The following EXOC3L2 variants were observed in gnomAD, a reference collection of about 807,000 sequenced individuals.
The protein encoded by EXOC3L2 is exocyst complex component 3 like 2, also known as exocyst complex component 3-like protein 2.
A neutral mutation model predicts 44.4 loss-of-function variants in EXOC3L2; 17 were observed. That is an observed-to-expected ratio of 0.38 (90% CI 0.26 to 0.57). EXOC3L2 has a LOEUF of 0.57. EXOC3L2 is among the 20% of genes least tolerant of loss of function. The probability of loss-of-function intolerance (pLI) is 0.65; values close to 1 mark genes in which losing one functional copy is unlikely to be tolerated. For synonymous variants in EXOC3L2, 256 were observed against 253.7 expected (o/e 1.01, Z -0.09); for missense variants, 541 against 588.4 (o/e 0.92, Z 0.83).
At chr19:45,228,800 G>T (rs935606992) in intron 4 of EXOC3L2, among the ~76,000 whole-genome samples, 1 of 148,048 alleles carries the variant, frequency 6.8e-6, no homozygotes, top group Non-Finnish European at 1.5e-5. Flanking sequence ...GGCTGGGCGC[G>T]GTGGCTCACG....
chr19:45,225,010 G>C, intron 7 of EXOC3L2, 97 bp from the exon 8 acceptor site: 3 of 1,347,154 alleles, frequency 2.2e-6, no homozygotes, highest in Non-Finnish European at 2.9e-6. Flanking sequence ...GGGCACAGGG[G>C]TGACAGGTCA....
intron 11 of EXOC3L2, 52 bp from the exon 12 acceptor site, chr19:45,213,409 C>A (rs769409244): frequency 6.3e-7 from 1 of 1,594,334 alleles, no homozygotes; most frequent in Admixed American, 1.8e-5. Flanking sequence ...TCTAGACACA[C>A]ACCCAACCCA....
At chr19:45,226,131 T>G (rs1676980769) in intron 7 of EXOC3L2, among the ~76,000 whole-genome samples, 1 of 152,152 alleles carries the variant, frequency 6.6e-6, no homozygotes, top group Non-Finnish European at 1.5e-5. Flanking sequence ...TGGTTCCATT[T>G]TTTCCAGGGA....
chr19:45,239,670 G>A (rs1312194301), intron 1 of EXOC3L2, among the ~76,000 whole-genome samples: 2 of 151,564 alleles, frequency 1.3e-5, no homozygotes, highest in Non-Finnish European at 1.5e-5. Flanking sequence ...ACAGGCGCGC[G>A]CCACCACACA....
chr19:45,233,691 G>A (rs1204588070), intron 3 of EXOC3L2, among the ~76,000 whole-genome samples: 3 of 152,108 alleles, frequency 2.0e-5, no homozygotes, highest in African/African-American at 7.2e-5. Flanking sequence ...TGAAAGGGTG[G>A]GAATGCTAGG....
At position 45,234,260 on chromosome 19, in the gene EXOC3L2, C is replaced by A. The variant is rs1445337160; in HGVS notation, c.1090G>T (p.Ala364Ser). Residue 364 changes from alanine to serine, a missense_variant, in exon 3 of 12, where the codon GCC becomes TCC. Physicochemically the swap from Ala to Ser is moderately conservative, Grantham distance 99. Coordinates refer to ENST00000413988, the MANE Select transcript of EXOC3L2 (RefSeq NM_001382422.1). The surrounding 1 kb of genome is among the most constrained non-coding windows in gnomAD (Gnocchi z 5.0). ...TCGGCCAGCGGCAGCCTGCGACGGGCGGAGGCCCCCAGCCACTCGGCCAGG... is the reference window on the plus strand; with the variant it reads ...TCGGCCAGCGGCAGCCTGCGACGGGAGGAGGCCCCCAGCCACTCGGCCAGG... ...GALAEWLGAS[A>S]RRRLPLADRY... The A allele has an allele frequency of 1.5e-5, 6 of 395,706 alleles. No individual in the cohort carries two copies. The highest frequency in any genetic ancestry group is 2.7e-5 in the Non-Finnish European group (6 of 224,186). The allele number at this position is 395,706 out of a possible 1,614,324, so 24.5% of individuals were successfully genotyped here.
intron 2 of EXOC3L2, among the ~76,000 whole-genome samples, chr19:45,237,151 C>T (rs1009752321): frequency 3.3e-5 from 5 of 151,706 alleles, no homozygotes; most frequent in Admixed American, 6.6e-5. Context: ...GGATATGAAA[C>T]GGGGCTGGAC....
In EXOC3L2 at chr19:45,225,724, G is replaced by C. The variant is rs1348376710; in HGVS notation, c.1584-811C>G. ...TGCAACCTCAACCTCCCAGGTTCAA[G>C]TGAGTCTCCTGCCTCAGTCTCCCAA... is the stretch of plus-strand genomic sequence containing the variant. On this transcript the variant is annotated intron_variant, in intron 7 of 11. Coordinates refer to ENST00000413988, the MANE Select transcript of EXOC3L2 (RefSeq NM_001382422.1). Among the ~76,000 whole-genome samples the C allele has an allele frequency of 1.6e-4, 24 of 150,082 alleles. No individual in the cohort carries two copies. In the Admixed American group the frequency reaches 1.6e-3, roughly 10 times the overall value.
At position 45,227,835 on chromosome 19, in the gene EXOC3L2, C is replaced by G. The variant is rs183418915; in HGVS notation, c.1473-63G>C. 1.7e-3 allele frequency: 2,671 copies of G among 1,545,806 alleles called. 10 individuals are homozygous for G. The highest frequency in any genetic ancestry group is 9.8e-3 in the African/African-American group (725 of 74,090). On this transcript the variant is annotated intron_variant, in intron 6 of 11. Transcript: ENST00000413988. ...GTCAGGGTCCCTCGTGGGCACCCAG[C>G]CTGCCAAAGCCACCATCCCTGCGGT...
chr19:45,235,012 G>T (rs918798565), intron 2 of EXOC3L2, among the ~76,000 whole-genome samples, 186 bp from the exon 3 acceptor site: 87 of 152,218 alleles, frequency 5.7e-4, no homozygotes, highest in African/African-American at 2.0e-3. Context: ...GAAGGATGTA[G>T]GGGAGGGGTC....
chr19:45,243,518 C>T (rs982850869), intron 1 of EXOC3L2, among the ~76,000 whole-genome samples: 11 of 152,224 alleles, frequency 7.2e-5, no homozygotes, highest in African/African-American at 2.7e-4. Context: ...CCATGGGCCC[C>T]CGCCCCCACA....
At chr19:45,216,896 C>G (rs965312252) in intron 10 of EXOC3L2, 2 of 151,102 alleles carry the variant, frequency 1.3e-5, no homozygotes, top group Non-Finnish European at 3.0e-5. Context: ...CTGAATGAGG[C>G]CCTTCCAGCC....
chr19:45,232,296 C>T (rs890378649), intron 3 of EXOC3L2, among the ~76,000 whole-genome samples: 1 of 152,106 alleles, frequency 6.6e-6, no homozygotes, highest in African/African-American at 2.4e-5. Context: ...CATCAATATC[C>T]ACCCCCAAAC....
At chr19:45,231,435 G>A (rs1970030168) in intron 4 of EXOC3L2, among the ~76,000 whole-genome samples, 1 of 121,136 alleles carries the variant, frequency 8.3e-6, no homozygotes, top group South Asian at 2.6e-4. Context: ...CTCCAGCCTG[G>A]CAACAGAGCG....
intron 10 of EXOC3L2, chr19:45,216,931 T>C (rs1465740568): frequency 1.3e-5 from 2 of 149,496 alleles, no homozygotes; most frequent in African/African-American, 4.8e-5. Context: ...TGGGTACAAA[T>C]AAGATCTGGC....
In EXOC3L2 at chr19:45,218,337, G is replaced by A. The variant is rs1221416762; in HGVS notation, c.1720-18C>T. ...AAGTGTGGCTGGCAGGGACAGAGTAGGGGGTCACGCTCTCCTCCCTCCCAC... is the reference window on the plus strand; with the variant it reads ...AAGTGTGGCTGGCAGGGACAGAGTAAGGGGTCACGCTCTCCTCCCTCCCAC... On this transcript the variant is annotated intron_variant, in intron 8 of 11. Transcript: ENST00000413988. 6.3e-7 allele frequency: 1 copy of A among 1,583,142 alleles called. No individual in the cohort carries two copies. Among genetic ancestry groups the A allele is most frequent in the Non-Finnish European group, 8.6e-7 (1 of 1,162,570 alleles).
At chr19:45,240,495 G>C (rs1970122473) in intron 1 of EXOC3L2, among the ~76,000 whole-genome samples, 1 of 152,192 alleles carries the variant, frequency 6.6e-6, no homozygotes, top group Non-Finnish European at 1.5e-5. Flanking sequence ...GGCTGCTAAT[G>C]GATGCAGGGT....
At chr19:45,223,307 G>C (rs893838305) in intron 8 of EXOC3L2, among the ~76,000 whole-genome samples, 1 of 152,064 alleles carries the variant, frequency 6.6e-6, no homozygotes, top group African/African-American at 2.4e-5. Context: ...GAGAAAAATA[G>C]CAGGGAGTCG....
At chr19:45,242,868 A>G (rs1353034685) in intron 1 of EXOC3L2, among the ~76,000 whole-genome samples, 1 of 151,160 alleles carries the variant, frequency 6.6e-6, no homozygotes, top group African/African-American at 2.4e-5. Context: ...TCTCAAAAAA[A>G]AAAAAAAAAA....
Sources: allele counts gnomAD v4.1 joint callset (sites outside exome capture counted in the v4.1 genomes callset), GRCh38; gene constraint gnomAD v4.1.1; non-coding constraint Gnocchi (gnomAD v3.1); transcripts MANE v1.5; gene names NCBI Gene and HGNC (gene_info 2026-07-23, HGNC 2026-07-21).